The following TOPAZ1 variants were observed in gnomAD, a reference collection of about 807,000 sequenced individuals.
The protein encoded by TOPAZ1 is testis and ovary specific TOPAZ 1, also known as protein TOPAZ1.
Under a neutral mutation model 172.2 loss-of-function variants are expected in TOPAZ1, and 66 were observed. The ratio of observed to expected loss-of-function variants is 0.38; its 90% CI spans 0.31 to 0.47. The LOEUF is 0.47. TOPAZ1 is among the 20% of genes least tolerant of loss of function. TOPAZ1 has a pLI of 0.99. For missense variants in TOPAZ1, 1,822 were observed against 1,972.4 expected, an observed-to-expected ratio of 0.92 and a Z score of 1.44; for synonymous variants, 681 against 683.9, an observed-to-expected ratio of 1.00 and a Z score of 0.07.
chr3:44,255,676 C>T lies in TOPAZ1; in HGVS notation c.2828-475C>T, dbSNP rs866122499. On this transcript the variant is annotated intron_variant, in intron 3 of 19. Coordinates refer to ENST00000309765, the MANE Select transcript of TOPAZ1 (RefSeq NM_001145030.2). ...CAAAAAAAAAAAATATATATACACACACACACACACACACACACACACACA... is the reference window on the plus strand; with the variant it reads ...CAAAAAAAAAAAATATATATACACATACACACACACACACACACACACACA... Among the ~76,000 whole-genome samples, 33 of 26,724 alleles carry T rather than the reference C, an allele frequency of 1.2e-3. 1 individual carries two copies. Among genetic ancestry groups the T allele is most frequent in the South Asian group, 3.5e-3 (2 of 568 alleles). 17.5% of individuals were successfully genotyped at this position (26,724 alleles called of 152,430 possible). A position where few individuals can be genotyped will look rare whatever the true frequency, so the allele number is the denominator to read the frequency against.
intron 15 of TOPAZ1, among the ~76,000 whole-genome samples, chr3:44,309,248 T>C (rs1040003043): frequency 1.3e-5 from 2 of 152,214 alleles, no homozygotes; most frequent in Non-Finnish European, 2.9e-5. Context: ...GAATTTTAGC[T>C]AACAAGTTTA....
intron 5 of TOPAZ1, among the ~76,000 whole-genome samples, chr3:44,262,862 A>G (rs1699790164): frequency 6.6e-6 from 1 of 152,238 alleles, no homozygotes; most frequent in Non-Finnish European, 1.5e-5. Context: ...CCACTGGAAC[A>G]TATAAAACCA....
chr3:44,309,231 G>T (rs1016652926), intron 15 of TOPAZ1, among the ~76,000 whole-genome samples: 10 of 152,080 alleles, frequency 6.6e-5, no homozygotes, highest in African/African-American at 2.4e-4. Context: ...TTAGTCTACG[G>T]AATTAAGAAT....
At position 44,245,209 on chromosome 3, in the gene TOPAZ1, C is replaced by T. The variant is rs1193801658; in HGVS notation, c.2703C>T (p.His901=). 1 of 1,550,964 alleles carries T rather than the reference C, an allele frequency of 6.4e-7. No homozygotes were observed. The highest frequency in any genetic ancestry group is 1.2e-5 in the South Asian group (1 of 83,788). Residue 901 remains histidine, a synonymous_variant, in exon 2 of 20, where the codon CAC becomes CAT. Coordinates refer to ENST00000309765, the MANE Select transcript of TOPAZ1 (RefSeq NM_001145030.2). ...ISQEPNVAGE[H]QSTDSKYMET... ...AGGAGCCCAATGTTGCTGGAGAGCA[C>T]CAATCAACAGACTCCAAGTACATGG... is the stretch of plus-strand genomic sequence containing the variant.
At chr3:44,270,576 TG>T in intron 7 of TOPAZ1, 108 bp from the exon 8 acceptor site, 1 of 647,194 alleles carries the variant, frequency 1.5e-6, no homozygotes, top group Non-Finnish European at 2.3e-6. Context: ...CAAGTTATCT[TG>T]ATACTCTTTG....
chr3:44,289,846 T>G (rs1381545108), intron 11 of TOPAZ1, among the ~76,000 whole-genome samples: 1 of 152,120 alleles, frequency 6.6e-6, no homozygotes, highest in Non-Finnish European at 1.5e-5. Flanking sequence ...TCCCAAACAT[T>G]CAAAATATAT....
rs565031984 is a variant in TOPAZ1 at position 44,301,028 on chromosome 3, C to T, written c.3798-2987C>T. On this transcript the variant is annotated intron_variant, in intron 12 of 19. Transcript: ENST00000309765. ...AATTTTAAAAGCTAATCTCAAAAGG[C>T]TACATGCTACACAGTGCATACATTT... Among the ~76,000 whole-genome samples, 131 of 152,230 alleles carry T rather than the reference C, an allele frequency of 8.6e-4. 5 individuals carry two copies. In the South Asian group the frequency reaches 0.027, roughly 31 times the overall value.
chr3:44,241,890 C>G lies in TOPAZ1; in HGVS notation c.-164C>G, dbSNP rs1699479002. ...GGGCCCCAGACACGAGGCCCCACTT[C>G]CGCTTACGCGCCCCACTTCCGCTTC... On this transcript the variant is annotated 5_prime_UTR_variant, in exon 1 of 20. Coordinates refer to ENST00000309765, the MANE Select transcript of TOPAZ1 (RefSeq NM_001145030.2). 1.5e-6 allele frequency: 1 copy of G among 679,606 alleles called. No individual in the cohort carries two copies. The highest frequency in any genetic ancestry group is 1.9e-5 in the African/African-American group (1 of 52,092). 42.1% of individuals were successfully genotyped at this position (679,606 alleles called of 1,614,324 possible). A position where few individuals can be genotyped will look rare whatever the true frequency, so the allele number is the denominator to read the frequency against.
rs1472514484 is a variant in TOPAZ1, at chr3:44,332,020, G to A, written c.*9G>A. On this transcript the variant is annotated 3_prime_UTR_variant, in exon 20 of 20. Coordinates refer to ENST00000309765, the MANE Select transcript of TOPAZ1 (RefSeq NM_001145030.2). The stretch of plus-strand genomic sequence containing the variant: ...TTTTCAGTAACCATTAGCTAATAAA[G>A]TCTGCTTTTTTTTTTTTTTTAGTTC... The A allele has an allele frequency of 2.7e-6, 4 of 1,465,716 alleles. No homozygotes were observed. Among genetic ancestry groups the A allele is most frequent in the Non-Finnish European group, 3.6e-6 (4 of 1,097,282 alleles). The allele number at this position is 1,465,716 out of a possible 1,614,324, so 90.8% of individuals were successfully genotyped here. A position where few individuals can be genotyped will look rare whatever the true frequency, so the allele number is the denominator to read the frequency against.
chr3:44,263,997 A>T (rs921918289), intron 5 of TOPAZ1, among the ~76,000 whole-genome samples: 12 of 152,204 alleles, frequency 7.9e-5, no homozygotes, highest in Admixed American at 6.5e-4. Flanking sequence ...AAATGCCTTT[A>T]TAGGCTTATT....
intron 16 of TOPAZ1, among the ~76,000 whole-genome samples, chr3:44,316,007 G>A (rs2125703264): frequency 6.6e-6 from 1 of 152,172 alleles, no homozygotes; most frequent in African/African-American, 2.4e-5. Context: ...GGCCGAGGCA[G>A]TTGGATCATT....
At chr3:44,302,030 G>A (rs986013624) in intron 12 of TOPAZ1, among the ~76,000 whole-genome samples, 1 of 152,106 alleles carries the variant, frequency 6.6e-6, no homozygotes, top group Admixed American at 6.6e-5. Flanking sequence ...TCTACGTGGA[G>A]TTTTTTCTCT....
chr3:44,290,160 G>A (rs1700121019), intron 11 of TOPAZ1, among the ~76,000 whole-genome samples: 1 of 152,166 alleles, frequency 6.6e-6, no homozygotes, highest in South Asian at 2.1e-4. Context: ...ATAATGTCAT[G>A]TAGAAGAGCT....
Position 44,284,028 on chromosome 3 carries a change from G to A in TOPAZ1, c.3436+1997G>A, listed in dbSNP as rs534743004. On this transcript the variant is annotated intron_variant, in intron 9 of 19. Coordinates refer to ENST00000309765, the MANE Select transcript of TOPAZ1 (RefSeq NM_001145030.2). ...TTTAGGATCCAGTCCAGGATCAGGTGTGCATTTAGTTGTCATGATTCTTTA... is the reference window on the plus strand; with the variant it reads ...TTTAGGATCCAGTCCAGGATCAGGTATGCATTTAGTTGTCATGATTCTTTA... 3.9e-5 allele frequency among the ~76,000 whole-genome samples: 6 copies of A among 152,230 alleles called. No individual in the cohort carries two copies. In the South Asian group the frequency reaches 1.2e-3, roughly 32 times the overall value.
intron 16 of TOPAZ1, among the ~76,000 whole-genome samples, chr3:44,311,543 T>C (rs1171390042): frequency 2.0e-5 from 3 of 152,232 alleles, no homozygotes; most frequent in Non-Finnish European, 4.4e-5. Flanking sequence ...GATTTTGTTT[T>C]AAATTTCAAT....
rs894098384 is a variant in TOPAZ1, at chr3:44,241,953, T to C, written c.-101T>C. The C allele has an allele frequency of 3.5e-6, 4 of 1,133,604 alleles. No individual in the cohort carries two copies. The highest frequency in any genetic ancestry group is 3.2e-5 in the African/African-American group (2 of 62,456). 70.2% of individuals were successfully genotyped at this position (1,133,604 alleles called of 1,614,324 possible). On this transcript the variant is annotated 5_prime_UTR_variant, in exon 1 of 20. Coordinates refer to ENST00000309765, the MANE Select transcript of TOPAZ1 (RefSeq NM_001145030.2). The stretch of plus-strand genomic sequence containing the variant: ...GTGGTGACTGGCGGTGTGGGGTGGG[T>C]CAGAGGGCAGTAGGTACCTCCAGGC...
chr3:44,244,793 A>G lies in TOPAZ1; in HGVS notation c.2287A>G (p.Asn763Asp), dbSNP rs975560923. ...PVQASSDSFY[N>D]KKSYSISPSF... ...GCAAGCTAGTTCTGACTCATTCTAC[A>G]ATAAGAAATCCTATAGTATTTCTCC... is the stretch of plus-strand genomic sequence containing the variant. Residue 763 changes from asparagine (N) to aspartate (D), a missense_variant, in exon 2 of 20, where the codon AAT becomes GAT. By Grantham distance (23) the Asn-to-Asp change is conservative. This residue lies in a region of TOPAZ1 where 1,489 missense variants were observed against 1,490.8 expected (regional missense o/e 1.00). Transcript: ENST00000309765. 1 of 1,551,646 alleles carries G rather than the reference A, an allele frequency of 6.4e-7. No individual in the cohort carries two copies. The highest frequency in any genetic ancestry group is 1.4e-5 in the African/African-American group (1 of 73,168).
At chr3:44,284,147 A>AT (rs1700053772) in intron 9 of TOPAZ1, among the ~76,000 whole-genome samples, 1 of 152,128 alleles carries the variant, frequency 6.6e-6, no homozygotes, top group Admixed American at 6.6e-5. Flanking sequence ...CATTTTAAAC[A>AT]TTTTTAAGTG....
At chr3:44,272,656 G>A (rs560674104) in intron 8 of TOPAZ1, among the ~76,000 whole-genome samples, 14 of 152,224 alleles carry the variant, frequency 9.2e-5, no homozygotes, top group African/African-American at 3.4e-4. Flanking sequence ...CCACCTCCTG[G>A]TTCAAGCGAT....
Sources: allele counts gnomAD v4.1 joint callset (sites outside exome capture counted in the v4.1 genomes callset), GRCh38; gene constraint gnomAD v4.1.1; regional missense constraint gnomAD v4.1.1; transcripts MANE v1.5; gene names NCBI Gene and HGNC (gene_info 2026-07-23, HGNC 2026-07-21).